RSPRY1: variants seen among roughly 807,000 people sequenced by gnomAD.
RSPRY1 encodes ring finger and SPRY domain containing 1.
Under a neutral mutation model 73.1 loss-of-function variants are expected in RSPRY1, and 23 were observed. The ratio of observed to expected loss-of-function variants is 0.31; its 90% confidence interval spans 0.23 to 0.45. The LOEUF (loss-of-function observed/expected upper bound fraction) is 0.45. Among genes scored for constraint, RSPRY1 ranks in the 20% least tolerant of loss-of-function variants. The pLI, the probability that RSPRY1 is intolerant of heterozygous loss-of-function variation, is 1.00. For missense variants in RSPRY1, 448 were observed against 698.7 expected, an observed-to-expected ratio of 0.64 and a Z score of 4.05; for synonymous variants, 226 against 251.4, an observed-to-expected ratio of 0.90 and a Z score of 0.95.
At chr16:57,210,753 C>G (rs1410167252) in intron 4 of RSPRY1, among the ~76,000 whole-genome samples, 5 of 151,376 alleles carry the variant, frequency 3.3e-5, no homozygotes, top group African/African-American at 1.2e-4. Flanking sequence ...CGCAGTGGCT[C>G]ACACTTGTAA....
Position 57,239,842 on chromosome 16 carries a change from G to A in RSPRY1, c.*867G>A, listed in dbSNP as rs1247675280. 6.6e-6 allele frequency: 1 copy of A among 152,012 alleles called. No homozygotes were observed. Among genetic ancestry groups the A allele is most frequent in the East Asian group, 1.9e-4 (1 of 5,200 alleles). 9.4% of individuals were successfully genotyped at this position (152,012 alleles called of 1,614,324 possible). ...AAAAAAAATTTTTTTAATCAGTATT[G>A]TTTTTACAAGTAATATACTTTGAAA... On this transcript the variant is annotated 3_prime_UTR_variant, in exon 15 of 15. Coordinates refer to ENST00000394420, the MANE Select transcript of RSPRY1 (RefSeq NM_133368.3).
chr16:57,219,606 T>C (rs769935656), intron 8 of RSPRY1: 3 of 152,268 alleles, frequency 2.0e-5, no homozygotes, highest in Admixed American at 6.5e-5. Flanking sequence ...TCCCATTCTG[T>C]GGGATGTCTC....
At chr16:57,213,178 A>G in intron 5 of RSPRY1, 80 bp downstream of exon 5, 2 of 1,337,888 alleles carry the variant, frequency 1.5e-6, no homozygotes, top group Non-Finnish European at 2.0e-6. Context: ...GTCTTTGATC[A>G]AACTGCTATA....
intron 1 of RSPRY1, among the ~76,000 whole-genome samples, chr16:57,200,494 G>A (rs1340045208): frequency 2.1e-4 from 31 of 150,304 alleles, no homozygotes; most frequent in African/African-American, 7.4e-4. Context: ...GGGCAGAGGC[G>A]CCCCTCACCT....
intron 1 of RSPRY1, among the ~76,000 whole-genome samples, chr16:57,200,613 G>A: frequency 6.8e-6 from 1 of 147,920 alleles, no homozygotes; most frequent in East Asian, 2.1e-4. Flanking sequence ...GGGCGGCCGG[G>A]CAGAGGCGCC....
intron 1 of RSPRY1, among the ~76,000 whole-genome samples, chr16:57,187,481 C>G (rs1176896552): frequency 1.3e-5 from 2 of 152,200 alleles, no homozygotes; most frequent in Admixed American, 6.5e-5. Context: ...TTTCCAGGCC[C>G]TTTACCTACC....
intron 8 of RSPRY1, chr16:57,220,304 G>A (rs1345123783): frequency 6.3e-6 from 1 of 158,656 alleles, no homozygotes; most frequent in Non-Finnish European, 1.4e-5. Flanking sequence ...GTATATCTTT[G>A]TGTCCTCTTT....
intron 1 of RSPRY1, among the ~76,000 whole-genome samples, chr16:57,187,876 G>A (rs1361690683): frequency 6.6e-6 from 1 of 152,086 alleles, no homozygotes; most frequent in African/African-American, 2.4e-5. Context: ...ACTTCTTATG[G>A]TGCTGGCAGG....
At chr16:57,186,847 C>T (rs1294657814) in intron 1 of RSPRY1, 1 of 152,100 alleles carries the variant, frequency 6.6e-6, no homozygotes, top group Non-Finnish European at 1.5e-5. Flanking sequence ...CTGACCTACT[C>T]AGGGGTGCCC....
intron 2 of RSPRY1, chr16:57,207,650 C>T (rs567824082): frequency 7.9e-5 from 36 of 457,976 alleles, no homozygotes; most frequent in Admixed American, 3.5e-4. Flanking sequence ...AGTCCTCAAC[C>T]GGGATTGTCG....
Position 57,200,664 on chromosome 16 carries a change from GACCCCCCCACCTCCCTCCC to G in RSPRY1, c.-155-3839_-155-3821del, listed in dbSNP as rs1567488545. On this transcript the variant is annotated intron_variant, in intron 1 of 14. Transcript: ENST00000394420. ...GGGGCGGCTGGCCGGGCGGGGGGCT[GACCCCCCCACCTCCCTCCC>G]GGACGGGGCGGCTGGCCGGGCAGAG... 5.3e-3 allele frequency among the ~76,000 whole-genome samples: 609 copies of G among 115,558 alleles called. 26 individuals are homozygous for G. The highest frequency in any genetic ancestry group is 0.019 in the African/African-American group (554 of 29,900). 75.8% of individuals were successfully genotyped at this position (115,558 alleles called of 152,430 possible).
At chr16:57,196,040 T>A (rs1480132163) in intron 1 of RSPRY1, among the ~76,000 whole-genome samples, 82 of 143,936 alleles carry the variant, frequency 5.7e-4, no homozygotes, top group African/African-American at 2.0e-3. Flanking sequence ...AAAAAATATA[T>A]ATATATATAT....
Position 57,217,051 on chromosome 16 carries a change from C to A in RSPRY1, c.901+16C>A. 1 of 1,613,852 alleles carries A rather than the reference C, an allele frequency of 6.2e-7. No homozygotes were observed. Among genetic ancestry groups the A allele is most frequent in the South Asian group, 1.1e-5 (1 of 91,072 alleles). On this transcript the variant is annotated intron_variant, in intron 8 of 14. Transcript: ENST00000394420. ...GACAATCTCTGTAAGTGGGAGTTGT[C>A]CTTTATTAAAATGTCCGTTTCCATT...
At chr16:57,206,618 A>G (rs2074730912) in intron 2 of RSPRY1, among the ~76,000 whole-genome samples, 1 of 152,166 alleles carries the variant, frequency 6.6e-6, no homozygotes, top group African/African-American at 2.4e-5. Flanking sequence ...GCTGGCGTAC[A>G]GTGGCGTGAT....
intron 8 of RSPRY1, among the ~76,000 whole-genome samples, chr16:57,218,749 T>A (rs1413610940): frequency 3.3e-5 from 4 of 121,786 alleles, no homozygotes; most frequent in Non-Finnish European, 6.7e-5. Flanking sequence ...TTTTTTTTTT[T>A]TTTTGAGACG....
chr16:57,209,307 A>G (rs1337311944), intron 4 of RSPRY1, 120 bp downstream of exon 4: 7 of 640,182 alleles, frequency 1.1e-5, no homozygotes, highest in East Asian at 2.8e-5. Context: ...TGTTTTATTC[A>G]GTATTGATTT....
chr16:57,224,073 C>G (rs565443144), intron 10 of RSPRY1, among the ~76,000 whole-genome samples: 1 of 152,344 alleles, frequency 6.6e-6, no homozygotes, highest in South Asian at 2.1e-4. Flanking sequence ...GATTTAGAAG[C>G]CTTTCCGGAG....
At chr16:57,201,247 G>A (rs2074594405) in intron 1 of RSPRY1, among the ~76,000 whole-genome samples, 2 of 151,868 alleles carry the variant, frequency 1.3e-5, no homozygotes, top group Admixed American at 1.3e-4. Context: ...CAGACGGTGT[G>A]GCTGCCAGGT....
intron 1 of RSPRY1, among the ~76,000 whole-genome samples, chr16:57,196,605 A>G (rs553401532): frequency 1.3e-5 from 2 of 152,312 alleles, no homozygotes; most frequent in South Asian, 4.1e-4. Context: ...AATGCCGTCT[A>G]TGGGATGATC....
Sources: gnomAD v4.1 joint callset for allele counts (sites outside exome capture counted in the v4.1 genomes callset) on GRCh38, gnomAD v4.1.1 for gene constraint, MANE v1.5 for transcripts, NCBI Gene and HGNC (gene_info 2026-07-23, HGNC 2026-07-21) for gene names.